Variants in ASXL3 observed in about 807,000 individuals in gnomAD.
The protein encoded by ASXL3 is ASXL transcriptional regulator 3.
Under a neutral mutation model 170.6 loss-of-function variants are expected in ASXL3, and 34 were observed. The ratio of observed to expected loss-of-function variants is 0.20; its 90% CI spans 0.15 to 0.27. The LOEUF is 0.27. Among genes scored for constraint, ASXL3 ranks in the 10% least tolerant of loss-of-function variants. ASXL3 has a pLI of 1.00. For synonymous variants in ASXL3, 1,002 were observed against 989.1 expected (o/e 1.01, Z -0.24); for missense variants, 2,592 against 2,695.3 (o/e 0.96, Z 0.85).
chr18:33,584,557 A>G (rs1462362150), intron 1 of ASXL3, among the ~76,000 whole-genome samples: 1 of 152,200 alleles, frequency 6.6e-6, no homozygotes, highest in Non-Finnish European at 1.5e-5. Flanking sequence ...TTGATACTAA[A>G]GAATCTGAAA....
Position 33,745,294 on chromosome 18 carries a change from G to A in ASXL3, c.5446G>A (p.Ala1816Thr), listed in dbSNP as rs2067759866. Residue 1816 changes from alanine to threonine, a missense_variant, in exon 12 of 12, where the codon GCA becomes ACA. Around this residue, in one of 4 missense-constraint regions of ASXL3, gnomAD observed 2,246 missense variants for 2,219.6 expected, o/e 1.01. Coordinates refer to ENST00000269197, the MANE Select transcript of ASXL3 (RefSeq NM_030632.3). ...TAAGGGCTACTTGGCAGGGACTCTG[G>A]CACCACTCCAAATGAGAAAGCGAGA... ...DGKGYLAGTL[A>T]PLQMRKRENH... 6.2e-7 allele frequency: 1 copy of A among 1,613,920 alleles called. No homozygotes were observed. Among genetic ancestry groups the A allele is most frequent in the Non-Finnish European group, 8.5e-7 (1 of 1,179,888 alleles).
chr18:33,639,470 T>G (rs1037524265), intron 2 of ASXL3, among the ~76,000 whole-genome samples: 3 of 152,190 alleles, frequency 2.0e-5, no homozygotes, highest in Admixed American at 2.0e-4. Context: ...TAGGTGTATG[T>G]GTGGCATGTT....
intron 1 of ASXL3, among the ~76,000 whole-genome samples, chr18:33,581,484 T>TGTGTGTGTGA (rs2064992104): frequency 6.6e-6 from 1 of 151,970 alleles, no homozygotes; most frequent in Admixed American, 6.5e-5. Flanking sequence ...TGTGTGTGTG[T>TGTGTGTGTGA]GTGTGTGTGT....
intron 1 of ASXL3, 82 bp from the exon 2 acceptor site, chr18:33,607,512 A>T (rs1230516674): frequency 8.9e-7 from 1 of 1,120,650 alleles, no homozygotes; most frequent in Admixed American, 2.2e-5. Flanking sequence ...TAATAAAATA[A>T]GCAGAGAATG....
At chr18:33,709,520 G>T (rs772291917) in intron 8 of ASXL3, among the ~76,000 whole-genome samples, 1 of 152,098 alleles carries the variant, frequency 6.6e-6, no homozygotes, top group Non-Finnish European at 1.5e-5. Context: ...GAGCATAACT[G>T]CCCAATACAA....
chr18:33,721,438 A>G (rs1384418054), intron 8 of ASXL3, among the ~76,000 whole-genome samples: 5 of 152,132 alleles, frequency 3.3e-5, no homozygotes, highest in African/African-American at 1.2e-4. Context: ...ATGTGTATGC[A>G]TGTTCCATGT....
At chr18:33,690,900 G>C (rs759584831) in intron 8 of ASXL3, among the ~76,000 whole-genome samples, 6 of 152,086 alleles carry the variant, frequency 3.9e-5, no homozygotes, top group Admixed American at 6.6e-5. Flanking sequence ...CCTCAGTGCA[G>C]GTGCCCTCCT....
chr18:33,588,318 A>G (rs1295713365), intron 1 of ASXL3, among the ~76,000 whole-genome samples: 3 of 151,880 alleles, frequency 2.0e-5, no homozygotes, highest in African/African-American at 7.3e-5. Flanking sequence ...ACTGCAAGCA[A>G]CAGAACACAA....
At chr18:33,713,584 A>G (rs1599531406) in intron 8 of ASXL3, among the ~76,000 whole-genome samples, 2 of 152,022 alleles carry the variant, frequency 1.3e-5, no homozygotes, top group African/African-American at 2.4e-5. Flanking sequence ...TTCATCAAAT[A>G]TATGTCATAT....
intron 7 of ASXL3, 76 bp downstream of exon 7, chr18:33,671,942 A>G: frequency 7.4e-7 from 1 of 1,358,630 alleles, no homozygotes; most frequent in South Asian, 1.6e-5. Flanking sequence ...TAAAATTTTC[A>G]GAACATTTTT....
intron 8 of ASXL3, among the ~76,000 whole-genome samples, chr18:33,686,231 G>A (rs913798905): frequency 6.6e-6 from 1 of 152,144 alleles, no homozygotes; most frequent in Non-Finnish European, 1.5e-5. Context: ...TGTACTATAC[G>A]CAAGAATGGA....
intron 10 of ASXL3, 123 bp from the exon 11 acceptor site, chr18:33,738,364 G>A: frequency 9.8e-7 from 1 of 1,019,628 alleles, no homozygotes; most frequent in Non-Finnish European, 1.4e-6. Context: ...AATTAAGCAT[G>A]TTAATGATTA....
At chr18:33,602,242 A>T (rs563414487) in intron 1 of ASXL3, among the ~76,000 whole-genome samples, 1 of 152,192 alleles carries the variant, frequency 6.6e-6, no homozygotes, top group East Asian at 1.9e-4. Flanking sequence ...TTCTATGGAA[A>T]AATTGTCTTC....
chr18:33,703,593 C>T (rs1233983952), intron 8 of ASXL3, among the ~76,000 whole-genome samples: 2 of 152,104 alleles, frequency 1.3e-5, no homozygotes, highest in African/African-American at 4.8e-5. Context: ...GCGGACCTGC[C>T]TCTGCCTCTC....
chr18:33,579,258 T>G (rs2145083911), intron 1 of ASXL3, among the ~76,000 whole-genome samples: 1 of 152,328 alleles, frequency 6.6e-6, no homozygotes, highest in Non-Finnish European at 1.5e-5. Flanking sequence ...GATACGTGCA[T>G]GTTTTGTGTG....
rs1207381237 is a variant in ASXL3 at position 33,681,767 on chromosome 18, G to GT, written c.716-1630dup. ...CAAATATTGCCTCTCTGCAATCTGT[G>GT]TTTTTTTTAAAATTCAGAAACTTCT... On this transcript the variant is annotated intron_variant, in intron 7 of 11. Coordinates refer to ENST00000269197, the MANE Select transcript of ASXL3 (RefSeq NM_030632.3). Among the ~76,000 whole-genome samples, 283 of 151,032 alleles carry GT rather than the reference G, an allele frequency of 1.9e-3. 1 individual carries two copies. The highest frequency in any genetic ancestry group is 6.1e-3 in the African/African-American group (250 of 41,070).
chr18:33,687,117 A>AT (rs1014944439), intron 8 of ASXL3, among the ~76,000 whole-genome samples: 11 of 152,102 alleles, frequency 7.2e-5, no homozygotes, highest in Admixed American at 6.5e-4. Context: ...GCAACTAGAG[A>AT]TTTTTTCTAG....
chr18:33,687,480 CT>C (rs1210887453), intron 8 of ASXL3, among the ~76,000 whole-genome samples: 1 of 152,194 alleles, frequency 6.6e-6, no homozygotes, highest in Admixed American at 6.5e-5. Flanking sequence ...TGAAACTCCT[CT>C]CTTTCTTGTT....
chr18:33,677,037 C>T (rs1285656886), intron 7 of ASXL3, among the ~76,000 whole-genome samples: 3 of 152,150 alleles, frequency 2.0e-5, no homozygotes, highest in African/African-American at 4.8e-5. Context: ...CTTCTTCCTA[C>T]CCAGTCACAT....
Sources: allele counts gnomAD v4.1 joint callset (sites outside exome capture counted in the v4.1 genomes callset), GRCh38; gene constraint gnomAD v4.1.1; regional missense constraint gnomAD v4.1.1; transcripts MANE v1.5; gene names NCBI Gene and HGNC (gene_info 2026-07-23, HGNC 2026-07-21).